The following TENM3 variants were observed in gnomAD, a reference collection of about 807,000 sequenced individuals.
The protein encoded by TENM3 is teneurin transmembrane protein 3.
In TENM3, 63 loss-of-function variants were observed where a neutral mutation model predicts 255.1. The ratio of observed to expected loss-of-function variants is 0.25; its 90% CI spans 0.20 to 0.30. The LOEUF (loss-of-function observed/expected upper bound fraction) is 0.30. Ranked by LOEUF, TENM3 falls within the 10% of genes least tolerant of loss-of-function variation. The probability of loss-of-function intolerance (pLI) is 1.00; values close to 1 mark genes in which losing one functional copy is unlikely to be tolerated. For synonymous variants in TENM3, 1,306 were observed against 1,322.3 expected (o/e 0.99, Z 0.27); for missense variants, 2,929 against 3,461.1 (o/e 0.85, Z 3.86).
the TENM3 span, among the ~76,000 whole-genome samples, chr4:181,738,841 C>T: frequency 6.6e-6 from 1 of 151,928 alleles, no homozygotes; most frequent in Non-Finnish European, 1.5e-5. Context: ...ATATTTTAAT[C>T]AATAATGTAT....
chr4:182,189,558 C>T lies in TENM3; in HGVS notation c.-76+44804C>T, dbSNP rs374017268. 8.5e-5 allele frequency among the ~76,000 whole-genome samples: 13 copies of T among 152,106 alleles called. No homozygotes were observed. In the East Asian group the frequency reaches 9.6e-4, roughly 11 times the overall value. ...GAGACAAGAAGACTGATGTGGGGCG[C>T]GGCACAAACTCCTGGGCTCATTTCT... On this transcript the variant is annotated intron_variant, in intron 1 of 2. Coordinates refer to the TENM3 transcript ENST00000512480.
chr4:181,493,329 T>G, the TENM3 span, among the ~76,000 whole-genome samples: 1 of 148,948 alleles, frequency 6.7e-6, no homozygotes, highest in South Asian at 2.1e-4. Flanking sequence ...CTAGATGAAG[T>G]CTGCAAATGT....
At chr4:182,269,927 AAGGTATACACTGGTTT>A (rs1759504911) in intron 1 of TENM3, among the ~76,000 whole-genome samples, 1 of 152,202 alleles carries the variant, frequency 6.6e-6, no homozygotes, top group Non-Finnish European at 1.5e-5. Context: ...CAACACACGT[AAGGTATACACTGGTTT>A]AGCCCAGAAA....
At position 182,751,811 on chromosome 4, in the gene TENM3, C is replaced by A. The variant is rs1219474188; in HGVS notation, c.3641C>A (p.Ala1214Asp). ...GATCCTTTTCACAGCAGCAACCCAG[C>A]TCATAGATACTACCTTGCAACGGAT... ...TSVLELSSNP[A>D]HRYYLATDPV... Residue 1214 changes from alanine to aspartate, a missense_variant, in exon 20 of 28, where the codon GCT becomes GAT. Ala to Asp is a moderately radical substitution (Grantham distance 126, BLOSUM62 -2). This residue lies in a region of TENM3 where 1,608 missense variants were observed against 1,884.4 expected (regional missense o/e 0.85). Coordinates refer to ENST00000511685, the MANE Select transcript of TENM3 (RefSeq NM_001080477.4). The A allele has an allele frequency of 1.2e-6, 2 of 1,612,998 alleles. No individual in the cohort carries two copies. Among genetic ancestry groups the A allele is most frequent in the South Asian group, 2.2e-5 (2 of 91,074 alleles).
intron 1 of TENM3, among the ~76,000 whole-genome samples, chr4:182,312,357 G>A (rs1762499112): frequency 6.6e-6 from 1 of 152,178 alleles, no homozygotes; most frequent in South Asian, 2.1e-4. Flanking sequence ...GCGAGACCCT[G>A]TCTCAAAAAA....
At chr4:181,497,709 A>C in the TENM3 span, among the ~76,000 whole-genome samples, 1 of 152,178 alleles carries the variant, frequency 6.6e-6, no homozygotes, top group South Asian at 2.1e-4. Context: ...TGCTTCAAGA[A>C]ATAGCAGATT....
In TENM3 at chr4:182,754,692, C is replaced by T. The variant is rs746679333; in HGVS notation, c.4325C>T (p.Ala1442Val). The T allele has an allele frequency of 6.2e-7, 1 of 1,613,908 alleles. No individual in the cohort carries two copies. The highest frequency in any genetic ancestry group is 1.3e-5 in the African/African-American group (1 of 74,934). ...ACAGATGGAGAAATCTCCTTAGTGG[C>T]CGGAATACCTTCAGAGTGTGACTGC... ...VTTDGEISLV[A>V]GIPSECDCKN... The change falls in exon 22 of 28, where the codon GCC becomes GTC. Residue 1442 changes from alanine (A) to valine (V), a missense_variant. By Grantham distance (64) the Ala-to-Val change is moderately conservative. Coordinates refer to ENST00000511685, the MANE Select transcript of TENM3 (RefSeq NM_001080477.4). The surrounding 1 kb of genome is among the most constrained non-coding windows in gnomAD (Gnocchi z 5.1).
chr4:181,706,480 G>C, the TENM3 span, among the ~76,000 whole-genome samples: 1 of 152,166 alleles, frequency 6.6e-6, no homozygotes, highest in Non-Finnish European at 1.5e-5. Context: ...ATATTAGTCA[G>C]AGATAGTAAA....
the TENM3 span, among the ~76,000 whole-genome samples, chr4:181,778,132 A>AT: frequency 1.3e-5 from 2 of 152,160 alleles, no homozygotes; most frequent in South Asian, 4.1e-4. Flanking sequence ...ATTGAATTTT[A>AT]TTTTTTTATT....
Position 182,801,131 on chromosome 4 carries a change from C to T in TENM3, c.*780C>T, listed in dbSNP as rs1008764844. The T allele has an allele frequency of 6.6e-6, 1 of 152,182 alleles. No homozygotes were observed. The highest frequency in any genetic ancestry group is 1.5e-5 in the Non-Finnish European group (1 of 67,996). The allele number at this position is 152,182 out of a possible 1,614,324, so 9.4% of individuals were successfully genotyped here. ...AAAAATAAAATGATAAAAACGTGAA[C>T]TGTGTGATTTTTTTAAAAGGATTGC... On this transcript the variant is annotated 3_prime_UTR_variant, in exon 28 of 28. Transcript: ENST00000511685.
chr4:182,433,577 C>T (rs898319514), intron 3 of TENM3, among the ~76,000 whole-genome samples: 1 of 152,158 alleles, frequency 6.6e-6, no homozygotes, highest in African/African-American at 2.4e-5. Flanking sequence ...AGGGGCATGA[C>T]TGAGAAAAAT....
chr4:181,671,117 A>G, the TENM3 span, among the ~76,000 whole-genome samples: 1 of 152,180 alleles, frequency 6.6e-6, no homozygotes, highest in African/African-American at 2.4e-5. Flanking sequence ...TTAGAATTAG[A>G]AAGTGATGAA....
At chr4:182,763,496 T>C (rs951585710) in intron 22 of TENM3, among the ~76,000 whole-genome samples, 2 of 151,454 alleles carry the variant, frequency 1.3e-5, no homozygotes, top group Non-Finnish European at 2.9e-5. Flanking sequence ...ACCCAGGAGT[T>C]GGAGCTTGCA....
At chr4:181,657,407 G>A in the TENM3 span, among the ~76,000 whole-genome samples, 50 of 151,990 alleles carry the variant, frequency 3.3e-4, no homozygotes, top group African/African-American at 1.2e-3. Context: ...GCCAAAAAAC[G>A]TAAGAAAAAA....
At chr4:181,818,107 A>G in the TENM3 span, among the ~76,000 whole-genome samples, 943 of 151,980 alleles carry the variant, frequency 6.2e-3, 12 homozygotes, top group African/African-American at 0.022. Flanking sequence ...TAGTTGTACT[A>G]CTCTTCTGGG....
At chr4:182,202,439 G>A (rs1320016305) in intron 1 of TENM3, among the ~76,000 whole-genome samples, 1 of 151,724 alleles carries the variant, frequency 6.6e-6, no homozygotes, top group African/African-American at 2.4e-5. Context: ...CCAAGCAGCT[G>A]GGATTGCAGG....
the TENM3 span, among the ~76,000 whole-genome samples, chr4:181,856,864 A>G: frequency 6.6e-6 from 1 of 152,204 alleles, no homozygotes; most frequent in African/African-American, 2.4e-5. Flanking sequence ...TGGACAGAGT[A>G]GGAGGCAGCA....
chr4:181,919,893 C>A, the TENM3 span, among the ~76,000 whole-genome samples: 606 of 117,952 alleles, frequency 5.1e-3, 5 homozygotes, highest in African/African-American at 0.018. Flanking sequence ...CTCCCCCCAC[C>A]CCACAACAAT....
chr4:181,514,399 TTTC>T, the TENM3 span, among the ~76,000 whole-genome samples: 2 of 152,234 alleles, frequency 1.3e-5, no homozygotes, highest in Non-Finnish European at 2.9e-5. Flanking sequence ...ATTGAACTCT[TTTC>T]TTCAACTCAG....
Sources: allele counts gnomAD v4.1 joint callset (sites outside exome capture counted in the v4.1 genomes callset), GRCh38; gene constraint gnomAD v4.1.1; regional missense constraint gnomAD v4.1.1; non-coding constraint Gnocchi (gnomAD v3.1); transcripts MANE v1.5; gene names NCBI Gene and HGNC (gene_info 2026-07-23, HGNC 2026-07-21).